Variants in PALS1 observed in about 807,000 individuals in gnomAD.
PALS1 encodes protein associated with LIN7 1, MAGUK p55 family member.
Under a neutral mutation model 78.9 loss-of-function variants are expected in PALS1, and 31 were observed. The observed-to-expected ratio is 0.39, with a 90% CI of 0.30 to 0.53. The LOEUF (loss-of-function observed/expected upper bound fraction) is 0.53, where lower values mean the gene tolerates loss of function less well. Among genes scored for constraint, PALS1 ranks in the 20% least tolerant of loss-of-function variants. PALS1 has a pLI of 0.67. For missense variants in PALS1, 704 were observed against 826.5 expected, an observed-to-expected ratio of 0.85 and a Z score of 1.82; for synonymous variants, 276 against 270.9, an observed-to-expected ratio of 1.02 and a Z score of -0.18.
intron 1 of PALS1, among the ~76,000 whole-genome samples, chr14:67,268,557 G>T (rs1428991402): frequency 6.6e-6 from 1 of 152,150 alleles, no homozygotes; most frequent in Non-Finnish European, 1.5e-5. Context: ...TGGGCAATTC[G>T]CAGAACTGAG....
In PALS1 at chr14:67,321,037, A is replaced by G. The variant is rs2085255299; in HGVS notation, c.1538-20A>G. 2 of 1,610,318 alleles carry G rather than the reference A, an allele frequency of 1.2e-6. No individual in the cohort carries two copies. Among genetic ancestry groups the G allele is most frequent in the African/African-American group, 2.7e-5 (2 of 74,962 alleles). On this transcript the variant is annotated intron_variant, in intron 12 of 14. Transcript: ENST00000261681. ...ACTCTAAGCCATGCCTGTTATTTCT[A>G]TCTGATTTTGTTTGCCTAGATACAA...
In PALS1 at chr14:67,334,521, T is replaced by TTGA. The variant is rs1301900002; in HGVS notation, c.*1567_*1569dup. On this transcript the variant is annotated 3_prime_UTR_variant, in exon 15 of 15. Transcript: ENST00000261681. Reference sequence around the variant, plus strand: ...GGAGTAATTTGTGTCATGTACATATTTGATTGATTTTTTTTCTTCTACATA... The same window carrying TTGA: ...GGAGTAATTTGTGTCATGTACATATTTGATGATTGATTTTTTTTCTTCTACATA... 1.3e-5 allele frequency: 2 copies of TTGA among 152,280 alleles called. No individual in the cohort carries two copies. Among genetic ancestry groups the TTGA allele is most frequent in the Non-Finnish European group, 2.9e-5 (2 of 68,022 alleles). 9.4% of individuals were successfully genotyped at this position (152,280 alleles called of 1,614,324 possible). A position where few individuals can be genotyped will look rare whatever the true frequency, so the allele number is the denominator to read the frequency against.
At chr14:67,276,969 G>T (rs953501066) in intron 2 of PALS1, among the ~76,000 whole-genome samples, 1 of 152,014 alleles carries the variant, frequency 6.6e-6, no homozygotes, top group Non-Finnish European at 1.5e-5. Flanking sequence ...TATTAAATTT[G>T]ATTTTTAATA....
chr14:67,329,096 C>G (rs1453741322), intron 14 of PALS1, among the ~76,000 whole-genome samples: 3 of 152,150 alleles, frequency 2.0e-5, no homozygotes, highest in Admixed American at 2.0e-4. Context: ...AATATTGATT[C>G]TTCCCATCCA....
rs763067391 is a variant in PALS1, at chr14:67,302,955, CTAA to C, written c.963+390_963+392del. Among the ~76,000 whole-genome samples the C allele has an allele frequency of 3.9e-5, 6 of 152,070 alleles. 1 individual carries two copies. The East Asian group carries it at 5.8e-4, about 15-fold the overall frequency. ...TTATCTGTAATTGATTGTTGTTTTCCTAATAATATTAGATAATAACAGTGCTAT... is the reference window on the plus strand; with the variant it reads ...TTATCTGTAATTGATTGTTGTTTTCCTAATATTAGATAATAACAGTGCTAT... On this transcript the variant is annotated intron_variant, in intron 7 of 14. Coordinates refer to ENST00000261681, the MANE Select transcript of PALS1 (RefSeq NM_022474.4).
In PALS1 at chr14:67,323,257, GTGTGTATATA is replaced by G. The variant is rs1456059354; in HGVS notation, c.1741-443_1741-434del. ...CGTGTGTGTGTGTGTGTGTGTGTGTGTGTGTATATATATATATGGCTTCACAGTATATTCT... is the reference window on the plus strand; with the variant it reads ...CGTGTGTGTGTGTGTGTGTGTGTGTGTATATATGGCTTCACAGTATATTCT... On this transcript the variant is annotated intron_variant, in intron 13 of 14. Transcript: ENST00000261681. Among the ~76,000 whole-genome samples, 5 of 134,658 alleles carry G rather than the reference GTGTGTATATA, an allele frequency of 3.7e-5. No individual in the cohort carries two copies. In the South Asian group the frequency reaches 7.3e-4, roughly 20 times the overall value. 88.3% of individuals were successfully genotyped at this position (134,658 alleles called of 152,430 possible).
intron 3 of PALS1, among the ~76,000 whole-genome samples, chr14:67,289,657 A>G (rs536058494): frequency 6.6e-6 from 1 of 152,248 alleles, no homozygotes; most frequent in East Asian, 1.9e-4. Flanking sequence ...TAAAAATTTA[A>G]CTGCTGTTCA....
At chr14:67,282,800 A>G (rs1440883465) in intron 3 of PALS1, among the ~76,000 whole-genome samples, 4 of 152,116 alleles carry the variant, frequency 2.6e-5, no homozygotes, top group Non-Finnish European at 4.4e-5. Context: ...AGAGCAAACT[A>G]CCTTGTGAGA....
chr14:67,258,228 A>G (rs1024238900), intron 1 of PALS1, among the ~76,000 whole-genome samples: 2 of 151,998 alleles, frequency 1.3e-5, no homozygotes, highest in African/African-American at 2.4e-5. Flanking sequence ...AAGATAAGGT[A>G]CTCATCCATA....
At chr14:67,282,054 A>G (rs945596253) in intron 3 of PALS1, among the ~76,000 whole-genome samples, 1 of 152,162 alleles carries the variant, frequency 6.6e-6, no homozygotes, top group Non-Finnish European at 1.5e-5. Flanking sequence ...GAAATAAATG[A>G]TATATTTTAT....
At chr14:67,309,139 T>C (rs2085052150) in intron 8 of PALS1, among the ~76,000 whole-genome samples, 1 of 152,208 alleles carries the variant, frequency 6.6e-6, no homozygotes, top group Non-Finnish European at 1.5e-5. Context: ...TGTTCTGATA[T>C]TATTATAGCA....
Position 67,279,428 on chromosome 14 carries a change from A to C in PALS1, c.258A>C (p.Arg86Ser). The part of the protein sequence containing the change: ...KQELDLNSSM[R>S]LKKLAQIPPK... Reference sequence around the variant, plus strand: ...AACTTGACCTTAATTCTTCCATGAGACTTAAGAAACTAGCCCAAATTCCTC... The same window carrying C: ...AACTTGACCTTAATTCTTCCATGAGCCTTAAGAAACTAGCCCAAATTCCTC... The change falls in exon 3 of 15, where the codon AGA (arginine) becomes AGC (serine). Residue 86 changes from arginine to serine, a missense_variant. Transcript: ENST00000261681. The C allele has an allele frequency of 6.2e-7, 1 of 1,613,956 alleles. No homozygotes were observed. Among genetic ancestry groups the C allele is most frequent in the East Asian group, 2.2e-5 (1 of 44,880 alleles).
At chr14:67,256,825 T>G (rs566456545) in intron 1 of PALS1, among the ~76,000 whole-genome samples, 2 of 127,256 alleles carry the variant, frequency 1.6e-5, no homozygotes, top group Middle Eastern at 3.9e-3. Context: ...CACACACACA[T>G]GAAACTGATA....
chr14:67,333,845 GT>G lies in PALS1; in HGVS notation c.*895del, dbSNP rs1163757196. On this transcript the variant is annotated 3_prime_UTR_variant, in exon 15 of 15. Transcript: ENST00000261681. ...AAGTTTCTTCCTCATGATGCTAATAGTTTTTTGTATACATGGGAGGATAGCA... is the reference window on the plus strand; with the variant it reads ...AAGTTTCTTCCTCATGATGCTAATAGTTTTTGTATACATGGGAGGATAGCA... The G allele has an allele frequency of 2.6e-5, 4 of 152,610 alleles. No individual in the cohort carries two copies. The highest frequency in any genetic ancestry group is 9.6e-5 in the African/African-American group (4 of 41,530). 9.5% of individuals were successfully genotyped at this position (152,610 alleles called of 1,614,324 possible).
chr14:67,319,140 A>G (rs1238406869), intron 11 of PALS1, among the ~76,000 whole-genome samples: 3 of 152,174 alleles, frequency 2.0e-5, no homozygotes, highest in Non-Finnish European at 2.9e-5. Context: ...GCTGGAATTT[A>G]AACAAGTGTA....
rs367581344 is a variant in PALS1, at chr14:67,301,957, A to C, written c.655-15A>C. On this transcript the variant is annotated splice_polypyrimidine_tract_variant and intron_variant, in intron 5 of 14. Coordinates refer to ENST00000261681, the MANE Select transcript of PALS1 (RefSeq NM_022474.4). Reference sequence around the variant, plus strand: ...CATGCTGTTACTTAAAATGCCATGGATTTCTTTGAAACAGGCACTTTTACT... The same window carrying C: ...CATGCTGTTACTTAAAATGCCATGGCTTTCTTTGAAACAGGCACTTTTACT... The C allele has an allele frequency of 2.5e-6, 4 of 1,582,372 alleles. No homozygotes were observed. Among genetic ancestry groups the C allele is most frequent in the Non-Finnish European group, 2.6e-6 (3 of 1,168,200 alleles).
chr14:67,312,053 C>T (rs748437361), intron 8 of PALS1: 2 of 152,598 alleles, frequency 1.3e-5, no homozygotes, highest in Non-Finnish European at 2.9e-5. Flanking sequence ...TTGGAAATTG[C>T]ATACCTTATT....
chr14:67,318,981 C>G (rs905640965), intron 11 of PALS1, among the ~76,000 whole-genome samples: 1 of 151,986 alleles, frequency 6.6e-6, no homozygotes, highest in African/African-American at 2.4e-5. Context: ...TGGCGTGAAC[C>G]CGGGAGGCGG....
chr14:67,264,470 TC>T (rs1267465469), intron 1 of PALS1, among the ~76,000 whole-genome samples: 1 of 151,688 alleles, frequency 6.6e-6, no homozygotes, highest in Non-Finnish European at 1.5e-5. Flanking sequence ...TGTTATTTTT[TC>T]ATGTGTTTTC....
Sources: gnomAD v4.1 joint callset for allele counts (sites outside exome capture counted in the v4.1 genomes callset) on GRCh38, gnomAD v4.1.1 for gene constraint, MANE v1.5 for transcripts, NCBI Gene and HGNC (gene_info 2026-07-23, HGNC 2026-07-21) for gene names.